The following VDAC1 variants were observed in gnomAD, a reference collection of about 807,000 sequenced individuals.
VDAC1 encodes voltage dependent anion channel 1.
In VDAC1, 10 loss-of-function variants were observed where a neutral mutation model predicts 34.7. The observed-to-expected ratio is 0.29, with a 90% CI of 0.18 to 0.49. The LOEUF is 0.49. Among genes scored for constraint, VDAC1 ranks in the 20% least tolerant of loss-of-function variants. The pLI is 0.99. For synonymous variants in VDAC1, 130 were observed against 136.0 expected (o/e 0.96, Z 0.30); for missense variants, 230 against 347.9 (o/e 0.66, Z 2.69).
chr5:134,030,404 C>T, the VDAC1 span, among the ~76,000 whole-genome samples: 1 of 152,018 alleles, frequency 6.6e-6, no homozygotes, highest in East Asian at 1.9e-4. Context: ...ATGGCTAGTG[C>T]CCATCATGTT....
chr5:134,033,430 A>C, the VDAC1 span, among the ~76,000 whole-genome samples: 5 of 151,686 alleles, frequency 3.3e-5, 1 homozygote, highest in South Asian at 1.1e-3. Context: ...TGCTGGGATT[A>C]CAGGCATGAG....
At chr5:134,001,715 TAAA>T (rs10717143) in intron 1 of VDAC1, among the ~76,000 whole-genome samples, 11,832 of 110,288 alleles carry the variant, frequency 0.11, 653 homozygotes, top group South Asian at 0.25. Context: ...AGACTCCATC[TAAA>T]AAAAAAAAAA....
the VDAC1 span, among the ~76,000 whole-genome samples, chr5:134,022,154 C>T: frequency 6.6e-6 from 1 of 152,182 alleles, no homozygotes; most frequent in Non-Finnish European, 1.5e-5. Context: ...GCTGGGATTA[C>T]AGGCGTGAGC....
the VDAC1 span, among the ~76,000 whole-genome samples, chr5:134,059,069 TC>T: frequency 3.9e-5 from 6 of 152,312 alleles, no homozygotes; most frequent in South Asian, 1.2e-3. Flanking sequence ...CAACCCATGG[TC>T]GGCAACAGGC....
At chr5:134,004,850 A>G (rs1009853395) in intron 1 of VDAC1, 45 bp downstream of exon 1, 6 of 151,188 alleles carry the variant, frequency 4.0e-5, no homozygotes, top group African/African-American at 1.5e-4. Context: ...GACAGCGTCC[A>G]GGCCGGGCCA....
the VDAC1 span, among the ~76,000 whole-genome samples, chr5:134,043,755 A>T: frequency 6.6e-6 from 1 of 150,882 alleles, no homozygotes; most frequent in African/African-American, 2.4e-5. Flanking sequence ...CTCATCTTGA[A>T]CTCCTGGGCT....
chr5:134,085,131 C>T, the VDAC1 span, among the ~76,000 whole-genome samples: 6 of 151,472 alleles, frequency 4.0e-5, no homozygotes, highest in South Asian at 2.1e-4. Context: ...TGCAGTGGCG[C>T]GATCTCAGCT....
chr5:134,079,976 A>C, the VDAC1 span, among the ~76,000 whole-genome samples: 1 of 152,208 alleles, frequency 6.6e-6, no homozygotes, highest in East Asian at 1.9e-4. Flanking sequence ...TCTTGCCCCA[A>C]AGGCGGCCTG....
chr5:134,020,499 A>G, the VDAC1 span, among the ~76,000 whole-genome samples: 1 of 152,102 alleles, frequency 6.6e-6, no homozygotes, highest in Non-Finnish European at 1.5e-5. Context: ...AAATCTGAAG[A>G]GGGAGAGAAT....
In VDAC1 at chr5:133,991,036, T is replaced by C. The variant is rs1257136548; in HGVS notation, c.236A>G (p.Asn79Ser). The C allele has an allele frequency of 5.6e-6, 9 of 1,614,104 alleles. No homozygotes were observed. Among genetic ancestry groups the C allele is most frequent in the African/African-American group, 2.7e-5 (2 of 74,936 alleles). Residue 79 changes from asparagine to serine, a missense_variant, in exon 4 of 9, where the codon AAT becomes AGT. Physicochemically the swap from Asn to Ser is conservative, Grantham distance 46. Coordinates refer to ENST00000265333, the MANE Select transcript of VDAC1 (RefSeq NM_003374.3). ...CACAGTAATCTCGGTGCCTAGTGTA[T>C]TGTCGGTATTCCATTTCTCTGTAAA... Reference protein sequence around the residue: ...LTFTEKWNTDNTLGTEITVED... With the variant: ...LTFTEKWNTDSTLGTEITVED...
chr5:134,073,371 G>A, the VDAC1 span, among the ~76,000 whole-genome samples: 1 of 152,170 alleles, frequency 6.6e-6, no homozygotes. Context: ...CCTCATCCCA[G>A]TCCTCCTGAA....
upstream of VDAC1, chr5:134,005,406 ACCCGCCCGCGCGG>A (rs1036573940): frequency 2.6e-5 from 4 of 152,134 alleles, no homozygotes; most frequent in Non-Finnish European, 4.4e-5. Context: ...GGCGCCTCCG[ACCCGCCCGCGCGG>A]CGTCTAGACA....
chr5:134,067,702 G>A, the VDAC1 span, among the ~76,000 whole-genome samples: 1 of 150,344 alleles, frequency 6.7e-6, no homozygotes, highest in Non-Finnish European at 1.5e-5. Flanking sequence ...GAGAGGGAGA[G>A]GGAGAAGGAG....
At chr5:134,036,798 A>G in the VDAC1 span, among the ~76,000 whole-genome samples, 3 of 151,996 alleles carry the variant, frequency 2.0e-5, no homozygotes, top group African/African-American at 7.2e-5. Flanking sequence ...CTAAAAATAC[A>G]AAGAATTAGC....
intron 6 of VDAC1, among the ~76,000 whole-genome samples, chr5:133,979,645 G>A (rs940914443): frequency 6.6e-6 from 1 of 151,992 alleles, no homozygotes; most frequent in African/African-American, 2.4e-5. Context: ...GACCAGGCTG[G>A]TCTTGAACTT....
At chr5:134,091,845 G>A in the VDAC1 span, among the ~76,000 whole-genome samples, 1 of 152,198 alleles carries the variant, frequency 6.6e-6, no homozygotes, top group Non-Finnish European at 1.5e-5. Flanking sequence ...TAGTGACAGA[G>A]CCAGATCTGA....
At chr5:133,989,546 G>C (rs977459215) in intron 5 of VDAC1, among the ~76,000 whole-genome samples, 16 of 151,916 alleles carry the variant, frequency 1.1e-4, no homozygotes, top group Non-Finnish European at 2.1e-4. Context: ...TTTTATTAGA[G>C]ATGGGGTTTT....
chr5:133,975,699 TC>T (rs2126897961), intron 7 of VDAC1, among the ~76,000 whole-genome samples, 171 bp downstream of exon 7: 1 of 152,144 alleles, frequency 6.6e-6, no homozygotes, highest in South Asian at 2.1e-4. Flanking sequence ...CCTCAAGTGA[TC>T]TGCCTGCCTT....
chr5:133,985,515 G>A (rs536228134), intron 5 of VDAC1, among the ~76,000 whole-genome samples: 10 of 152,320 alleles, frequency 6.6e-5, no homozygotes, highest in South Asian at 4.1e-4. Flanking sequence ...TTAGCAGGAC[G>A]TGGTGGCATG....
Sources: gnomAD v4.1 joint callset for allele counts (sites outside exome capture counted in the v4.1 genomes callset) on GRCh38, gnomAD v4.1.1 for gene constraint, MANE v1.5 for transcripts, NCBI Gene and HGNC (gene_info 2026-07-23, HGNC 2026-07-21) for gene names.